Variants in CSMD1 observed in about 807,000 individuals in gnomAD.
CSMD1 encodes the protein CUB and Sushi multiple domains 1.
CSMD1 carries 213 observed loss-of-function variants against 417.5 expected under a neutral mutation model. The observed-to-expected ratio is 0.51, with a 90% confidence interval of 0.46 to 0.57. CSMD1 has a LOEUF of 0.57. Among genes scored for constraint, CSMD1 ranks in the 20% least tolerant of loss-of-function variants. CSMD1 has a pLI of 0.00. For synonymous variants in CSMD1, 2,862 were observed against 1,736.8 expected (o/e 1.65, Z -16.11); for missense variants, 6,923 against 4,529.7 (o/e 1.53, Z -15.17).
rs555442970 is a variant in CSMD1, at chr8:4,648,835, T to G, written c.86-11277A>C. Among the ~76,000 whole-genome samples the G allele has an allele frequency of 2.6e-5, 4 of 152,254 alleles. No individual in the cohort carries two copies. In the East Asian group the frequency reaches 7.7e-4, roughly 29 times the overall value. ...ACTTGTCTGGTAAAATGTGTGTTTA[T>G]AGTTGGTCGGGAAGTATGCACACCC... On this transcript the variant is annotated intron_variant, in intron 1 of 69. Transcript: ENST00000635120.
At chr8:4,825,707 G>T (rs1000042385) in intron 1 of CSMD1, among the ~76,000 whole-genome samples, 1 of 141,734 alleles carries the variant, frequency 7.1e-6, no homozygotes, top group Non-Finnish European at 1.6e-5. Flanking sequence ...TGGGAGAAAA[G>T]ATTTGCAAAC....
chr8:3,382,325 T>A (rs922008312), intron 18 of CSMD1, among the ~76,000 whole-genome samples: 1 of 146,816 alleles, frequency 6.8e-6, no homozygotes, highest in Admixed American at 6.9e-5. Context: ...GGGTTATTTA[T>A]ATATATATAT....
chr8:3,565,159 A>AAAAAAAAG (rs1554471702), intron 10 of CSMD1, among the ~76,000 whole-genome samples: 5 of 138,020 alleles, frequency 3.6e-5, no homozygotes, highest in African/African-American at 1.1e-4. Context: ...AAAAAAAAAA[A>AAAAAAAAG]AGAGAGAGAT....
Position 4,782,692 on chromosome 8 carries a change from T to C in CSMD1, c.86-145134A>G, listed in dbSNP as rs74661756. ...TGTGACTCATACTTCTGCAGATGAG[T>C]ATTTTATCTTTGTCGCTTTAATTTG... On this transcript the variant is annotated intron_variant, in intron 1 of 69. Transcript: ENST00000635120. Among the ~76,000 whole-genome samples, 882 of 152,266 alleles carry C rather than the reference T, an allele frequency of 5.8e-3. 20 individuals are homozygous for C. Among genetic ancestry groups the C allele is most frequent in the East Asian group, 0.042 (218 of 5,186 alleles).
At chr8:4,253,546 A>C (rs981813517) in intron 3 of CSMD1, among the ~76,000 whole-genome samples, 14 of 152,190 alleles carry the variant, frequency 9.2e-5, no homozygotes, top group South Asian at 2.1e-4. Flanking sequence ...GATGTTATTT[A>C]ATCTTGGAGA....
intron 1 of CSMD1, among the ~76,000 whole-genome samples, chr8:4,656,758 G>T (rs901306673): frequency 1.3e-5 from 2 of 151,958 alleles, no homozygotes; most frequent in African/African-American, 4.8e-5. Context: ...GCCGCAGGAG[G>T]CAGTGGCAGA....
At chr8:3,411,584 G>A (rs1335577324) in intron 12 of CSMD1, among the ~76,000 whole-genome samples, 1 of 150,848 alleles carries the variant, frequency 6.6e-6, no homozygotes, top group East Asian at 2.0e-4. Flanking sequence ...TAGAATAATA[G>A]TCTCCAATCT....
chr8:3,483,090 A>T (rs4333624), intron 11 of CSMD1, among the ~76,000 whole-genome samples: 5,770 of 152,188 alleles, frequency 0.038, 237 homozygotes, highest in East Asian at 0.19. Context: ...TGCAAAATAG[A>T]CTCAAAGAAA....
intron 2 of CSMD1, among the ~76,000 whole-genome samples, chr8:4,561,081 G>A (rs1055770547): frequency 6.6e-6 from 1 of 152,158 alleles, no homozygotes; most frequent in Non-Finnish European, 1.5e-5. Flanking sequence ...ATTATTAAAT[G>A]AAAACATCGA....
chr8:4,055,957 A>G (rs753449724), intron 3 of CSMD1, among the ~76,000 whole-genome samples: 2 of 152,152 alleles, frequency 1.3e-5, no homozygotes, highest in African/African-American at 2.4e-5. Context: ...AAAATGAAAC[A>G]CACCCTACCT....
At chr8:3,514,574 C>A (rs908409361) in intron 10 of CSMD1, among the ~76,000 whole-genome samples, 1 of 152,086 alleles carries the variant, frequency 6.6e-6, no homozygotes, top group East Asian at 1.9e-4. Flanking sequence ...GGGAATATTC[C>A]TAAATTCTAT....
In CSMD1 at chr8:3,910,450, G is replaced by T. The variant is rs567957168; in HGVS notation, c.818+87453C>A. ...CCCTTCATAAAATCACGAAATTTAA[G>T]TGTTCAGGTTTTATTTTGTTCACTT... is the stretch of plus-strand genomic sequence containing the variant. On this transcript the variant is annotated intron_variant, in intron 5 of 69. Coordinates refer to ENST00000635120, the MANE Select transcript of CSMD1 (RefSeq NM_033225.6). Among the ~76,000 whole-genome samples the T allele has an allele frequency of 2.0e-3, 303 of 152,276 alleles. 1 individual carries two copies. Among genetic ancestry groups the T allele is most frequent in the African/African-American group, 7.0e-3 (289 of 41,558 alleles).
intron 5 of CSMD1, among the ~76,000 whole-genome samples, chr8:3,921,439 G>C (rs1256551695): frequency 4.0e-5 from 6 of 151,192 alleles, no homozygotes; most frequent in Admixed American, 2.6e-4. Context: ...TATTAACTTT[G>C]AGCTTGGTTT....
At chr8:4,503,499 A>G (rs570481033) in intron 2 of CSMD1, among the ~76,000 whole-genome samples, 1 of 152,334 alleles carries the variant, frequency 6.6e-6, no homozygotes. Flanking sequence ...ATATTCTTAG[A>G]AAATCCAAGC....
chr8:3,506,222 T>A (rs376223383), intron 10 of CSMD1, among the ~76,000 whole-genome samples: 50 of 152,182 alleles, frequency 3.3e-4, no homozygotes, highest in African/African-American at 1.2e-3. Context: ...GAGACGGCCC[T>A]GGGGGAGAGG....
At chr8:4,486,476 T>C (rs1801423945) in intron 2 of CSMD1, among the ~76,000 whole-genome samples, 1 of 151,802 alleles carries the variant, frequency 6.6e-6, no homozygotes, top group South Asian at 2.1e-4. Flanking sequence ...TCTTCCTTTA[T>C]ATTAGTTTTA....
chr8:3,261,574 G>C (rs955064369), intron 26 of CSMD1, among the ~76,000 whole-genome samples: 4 of 152,048 alleles, frequency 2.6e-5, no homozygotes, highest in East Asian at 1.9e-4. Context: ...GTACTCATAG[G>C]AGTCCCAATC....
chr8:4,426,731 T>C (rs1797581915), intron 2 of CSMD1, among the ~76,000 whole-genome samples: 1 of 146,036 alleles, frequency 6.8e-6, no homozygotes, highest in Non-Finnish European at 1.5e-5. Context: ...ACTATATACA[T>C]TTATTATACA....
chr8:4,494,782 T>G (rs1585163874), intron 2 of CSMD1, among the ~76,000 whole-genome samples: 1 of 152,158 alleles, frequency 6.6e-6, no homozygotes, highest in East Asian at 1.9e-4. Context: ...CATGATTATA[T>G]CTTTCTATAA....
Sources: gnomAD v4.1 joint callset for allele counts (sites outside exome capture counted in the v4.1 genomes callset) on GRCh38, gnomAD v4.1.1 for gene constraint, MANE v1.5 for transcripts, NCBI Gene and HGNC (gene_info 2026-07-23, HGNC 2026-07-21) for gene names.